CEP83: variants seen among roughly 807,000 people sequenced by gnomAD.
CEP83 encodes centrosomal protein of 83 kDa.
In CEP83, 70 loss-of-function variants were observed where a neutral mutation model predicts 101.9. The observed-to-expected ratio is 0.69, with a 90% CI of 0.57 to 0.84. CEP83 has a LOEUF of 0.84. Among genes scored for constraint, CEP83 ranks in the 40% least tolerant of loss-of-function variants. CEP83 has a pLI of 0.00. For missense variants in CEP83, 715 were observed against 787.2 expected (o/e 0.91, Z 1.10); for synonymous variants, 264 against 267.9 (o/e 0.99, Z 0.14).
chr12:94,354,533 A>T (rs1241949437), intron 11 of CEP83, among the ~76,000 whole-genome samples: 1 of 152,144 alleles, frequency 6.6e-6, no homozygotes, highest in African/African-American at 2.4e-5. Flanking sequence ...CACAGGACAG[A>T]CCATATGTTA....
chr12:94,380,684 C>T (rs1456896368), intron 6 of CEP83, among the ~76,000 whole-genome samples: 1 of 152,128 alleles, frequency 6.6e-6, no homozygotes, highest in African/African-American at 2.4e-5. Context: ...ATGTGTAACT[C>T]AAGTTCAGAC....
chr12:94,299,475 T>C, the CEP83 span, among the ~76,000 whole-genome samples: 10,720 of 152,194 alleles, frequency 0.07, 413 homozygotes, highest in Admixed American at 0.092. Context: ...TATCAAAAGC[T>C]GAAGTTCCTC....
At chr12:94,398,978 C>G (rs921266571) in intron 6 of CEP83, among the ~76,000 whole-genome samples, 2 of 152,180 alleles carry the variant, frequency 1.3e-5, no homozygotes, top group Non-Finnish European at 2.9e-5. Context: ...GTTCTCTGCT[C>G]TCGAACTCTG....
intron 4 of CEP83, among the ~76,000 whole-genome samples, chr12:94,411,111 A>G (rs967150069): frequency 4.6e-5 from 7 of 152,226 alleles, no homozygotes; most frequent in Non-Finnish European, 7.4e-5. Flanking sequence ...TCTGAAATTT[A>G]CAGGAAATTT....
At chr12:94,328,321 A>G (rs1353539490) in intron 14 of CEP83, 1 of 319,504 alleles carries the variant, frequency 3.1e-6, no homozygotes, top group South Asian at 2.6e-5. Flanking sequence ...TTTCCAAACA[A>G]ATCAACACAA....
chr12:94,282,609 A>G, the CEP83 span, among the ~76,000 whole-genome samples: 1 of 152,226 alleles, frequency 6.6e-6, no homozygotes, highest in Non-Finnish European at 1.5e-5. Context: ...CCCTTCTCAG[A>G]AGGCTATGAT....
rs141651969 is a variant in CEP83, at chr12:94,406,833, A to T, written c.325-3571T>A. ...TCCCAGCTACTCAGGAGGCTAAGGC[A>T]GTAGAATGGTATGAACACAGGAGGC... On this transcript the variant is annotated intron_variant, in intron 4 of 16. Coordinates refer to ENST00000397809, the MANE Select transcript of CEP83 (RefSeq NM_016122.3). Among the ~76,000 whole-genome samples the T allele has an allele frequency of 9.3e-4, 141 of 152,058 alleles. 1 individual carries two copies. The highest frequency in any genetic ancestry group is 5.4e-3 in the East Asian group (28 of 5,164).
At chr12:94,322,115 T>C (rs1262657152) in intron 14 of CEP83, among the ~76,000 whole-genome samples, 1 of 151,844 alleles carries the variant, frequency 6.6e-6, no homozygotes, top group Non-Finnish European at 1.5e-5. Context: ...GGTTGGGAGA[T>C]CCTACCTAGT....
chr12:94,286,051 G>A, the CEP83 span, among the ~76,000 whole-genome samples: 33 of 152,208 alleles, frequency 2.2e-4, no homozygotes, highest in Non-Finnish European at 4.0e-4. Flanking sequence ...GTGAAGGCCT[G>A]TCGGGAGAGA....
chr12:94,267,767 T>G, the CEP83 span, among the ~76,000 whole-genome samples: 1 of 152,110 alleles, frequency 6.6e-6, no homozygotes, highest in Non-Finnish European at 1.5e-5. Flanking sequence ...AAAATTTAAG[T>G]TTTTCATTTC....
chr12:94,266,411 G>A, the CEP83 span, among the ~76,000 whole-genome samples: 1 of 152,308 alleles, frequency 6.6e-6, no homozygotes, highest in South Asian at 2.1e-4. Flanking sequence ...CTGAGAGGCC[G>A]GAGAGTGGGC....
chr12:94,280,293 T>G, the CEP83 span: 1 of 163,102 alleles, frequency 6.1e-6, no homozygotes, highest in Admixed American at 5.8e-5. Context: ...CTCCGTGCAG[T>G]CCTCCCAGGA....
At chr12:94,365,769 GAAAAAAAAAA>G (rs766001301) in intron 11 of CEP83, among the ~76,000 whole-genome samples, 2 of 70,724 alleles carry the variant, frequency 2.8e-5, no homozygotes, top group Admixed American at 1.6e-4. Context: ...GACTGTGTTT[GAAAAAAAAAA>G]AAAAAAAAAG....
chr12:94,440,780 C>A (rs1278368284), intron 1 of CEP83, among the ~76,000 whole-genome samples: 1 of 152,116 alleles, frequency 6.6e-6, no homozygotes, highest in Non-Finnish European at 1.5e-5. Context: ...CAACTTCAAA[C>A]TATACCAAGG....
intron 4 of CEP83, among the ~76,000 whole-genome samples, chr12:94,410,488 G>T (rs914186123): frequency 5.9e-5 from 9 of 152,060 alleles, no homozygotes; most frequent in African/African-American, 2.2e-4. Flanking sequence ...TTGTCTGGAA[G>T]TCTCTTTTAT....
chr12:94,305,237 G>A (rs753763936), downstream of CEP83: 1 of 1,611,618 alleles, frequency 6.2e-7, no homozygotes, highest in Non-Finnish European at 8.5e-7. Context: ...AACAACTCTT[G>A]CATGTAAAAG....
chr12:94,378,152 T>C (rs1331041185), intron 7 of CEP83, among the ~76,000 whole-genome samples: 2 of 152,168 alleles, frequency 1.3e-5, no homozygotes, highest in Admixed American at 6.5e-5. Flanking sequence ...TAAACAGGTA[T>C]GTTTGCTACA....
intron 2 of CEP83, among the ~76,000 whole-genome samples, chr12:94,429,938 C>T (rs755305334): frequency 7.9e-5 from 12 of 152,196 alleles, no homozygotes; most frequent in Non-Finnish European, 1.6e-4. Context: ...CAACTCTGCC[C>T]TCCCCAGCAG....
At chr12:94,277,528 G>A in the CEP83 span, among the ~76,000 whole-genome samples, 1 of 152,154 alleles carries the variant, frequency 6.6e-6, no homozygotes, top group Non-Finnish European at 1.5e-5. Flanking sequence ...CTTTGCAGAT[G>A]AGAAAGCGAC....
Sources: gnomAD v4.1 joint callset for allele counts (sites outside exome capture counted in the v4.1 genomes callset) on GRCh38, gnomAD v4.1.1 for gene constraint, MANE v1.5 for transcripts, NCBI Gene and HGNC (gene_info 2026-07-23, HGNC 2026-07-21) for gene names.